Variants in NUDT4 observed in about 807,000 individuals in gnomAD.
NUDT4 encodes nudix hydrolase 4, also known as diphosphoinositol polyphosphate phosphohydrolase 2.
NUDT4 carries 5 observed loss-of-function variants against 23.1 expected under a neutral mutation model. That is an observed-to-expected ratio of 0.22 (90% CI 0.11 to 0.46). The LOEUF (loss-of-function observed/expected upper bound fraction) is 0.46. Ranked by LOEUF, NUDT4 falls within the 20% of genes least tolerant of loss-of-function variation. The pLI, the probability that NUDT4 is intolerant of heterozygous loss-of-function variation, is 0.99. For synonymous variants in NUDT4, 50 were observed against 79.0 expected, an observed-to-expected ratio of 0.63 and a Z score of 1.95; for missense variants, 96 against 211.6, an observed-to-expected ratio of 0.45 and a Z score of 3.39.
intron 1 of NUDT4, among the ~76,000 whole-genome samples, chr12:93,385,372 C>T (rs1169838505): frequency 6.6e-6 from 1 of 152,174 alleles, no homozygotes. Context: ...TGAGTAGCCT[C>T]CTTTTCGTAA....
At chr12:93,382,342 A>G (rs1875727868) in intron 1 of NUDT4, among the ~76,000 whole-genome samples, 1 of 151,890 alleles carries the variant, frequency 6.6e-6, no homozygotes, top group South Asian at 2.1e-4. Flanking sequence ...TTTAAGCTCT[A>G]TGAGCCAGGG....
intron 3 of NUDT4, among the ~76,000 whole-genome samples, chr12:93,398,164 A>AC (rs1877067826): frequency 1.3e-5 from 2 of 151,170 alleles, no homozygotes; most frequent in South Asian, 4.2e-4. Context: ...ACATGGTGAA[A>AC]CCCCGTCTGT....
chr12:93,392,881 G>A (rs1307284253), intron 1 of NUDT4, among the ~76,000 whole-genome samples: 1 of 132,620 alleles, frequency 7.5e-6, no homozygotes, highest in Non-Finnish European at 1.6e-5. Flanking sequence ...GTTTCACCAT[G>A]TTTTGTCCAG....
At chr12:93,397,521 TATTTA>T (rs1446994560) in intron 3 of NUDT4, among the ~76,000 whole-genome samples, 5 of 150,842 alleles carry the variant, frequency 3.3e-5, no homozygotes, top group South Asian at 4.2e-4. Flanking sequence ...TTGCCTGTTT[TATTTA>T]ATTTATGTTT....
Position 93,403,697 on chromosome 12 carries a change from A to G in NUDT4, c.*4318A>G, listed in dbSNP as rs189123412. 5 of 152,276 alleles carry G rather than the reference A, an allele frequency of 3.3e-5. No homozygotes were observed. Among genetic ancestry groups the G allele is most frequent in the Admixed American group, 2.0e-4 (3 of 15,294 alleles). The allele number at this position is 152,276 out of a possible 1,614,324, so 9.4% of individuals were successfully genotyped here. A position where few individuals can be genotyped will look rare whatever the true frequency, so the allele number is the denominator to read the frequency against. The stretch of plus-strand genomic sequence containing the variant: ...ATCTATAGACTTATACCATCTTCAA[A>G]AGCAATACAATTTTATTTGTAGACG... On this transcript the variant is annotated 3_prime_UTR_variant, in exon 5 of 5. Transcript: ENST00000415493.
intron 1 of NUDT4, among the ~76,000 whole-genome samples, chr12:93,386,250 G>A (rs1876088016): frequency 6.6e-6 from 1 of 151,878 alleles, no homozygotes; most frequent in Non-Finnish European, 1.5e-5. Context: ...CGGGATTACG[G>A]GTGTGAGCCA....
intron 1 of NUDT4, among the ~76,000 whole-genome samples, chr12:93,392,249 C>A (rs1197354034): frequency 2.9e-5 from 4 of 138,400 alleles, no homozygotes; most frequent in African/African-American, 1.1e-4. Context: ...TGTTTCCCCC[C>A]CCCCCTTTTT....
At chr12:93,383,956 T>C (rs1050493973) in intron 1 of NUDT4, among the ~76,000 whole-genome samples, 3 of 152,126 alleles carry the variant, frequency 2.0e-5, no homozygotes, top group Admixed American at 6.5e-5. Flanking sequence ...GGAACAGAAG[T>C]GGTATCTATA....
At chr12:93,392,493 G>A (rs1292327469) in intron 1 of NUDT4, among the ~76,000 whole-genome samples, 2 of 151,200 alleles carry the variant, frequency 1.3e-5, no homozygotes, top group African/African-American at 4.9e-5. Flanking sequence ...CTGACCTCAG[G>A]TGATCTGCCC....
chr12:93,391,385 C>T (rs542454930), intron 1 of NUDT4, among the ~76,000 whole-genome samples: 4 of 151,602 alleles, frequency 2.6e-5, no homozygotes, highest in African/African-American at 9.7e-5. Flanking sequence ...GCCAACGTGG[C>T]GAAACCCCAT....
chr12:93,398,741 T>A (rs769699257), intron 3 of NUDT4, 30 bp from the exon 4 acceptor site: 2 of 1,504,338 alleles, frequency 1.3e-6, no homozygotes, highest in Non-Finnish European at 1.8e-6. Context: ...TCCTGTAGAT[T>A]AAAATGCATT....
Position 93,394,592 on chromosome 12 carries a change from T to G in NUDT4, c.100-17T>G, listed in dbSNP as rs766412430. 9.7e-5 allele frequency: 142 copies of G among 1,470,774 alleles called. No individual in the cohort carries two copies. Among genetic ancestry groups the G allele is most frequent in the Non-Finnish European group, 1.3e-4 (141 of 1,073,644 alleles). The allele number at this position is 1,470,774 out of a possible 1,614,324, so 91.1% of individuals were successfully genotyped here. A position where few individuals can be genotyped will look rare whatever the true frequency, so the allele number is the denominator to read the frequency against. ...GCTTCTCAGGCTGGAAGTATACAGT[T>G]ATGGTTCACCTTACAGGTGCTGCTG... On this transcript the variant is annotated splice_polypyrimidine_tract_variant and intron_variant, in intron 1 of 4. Coordinates refer to ENST00000415493, the MANE Select transcript of NUDT4 (RefSeq NM_019094.6).
intron 1 of NUDT4, among the ~76,000 whole-genome samples, chr12:93,394,382 A>G (rs1876778747): frequency 1.3e-5 from 2 of 152,192 alleles, no homozygotes; most frequent in Admixed American, 1.3e-4. Flanking sequence ...AGATAAGGTG[A>G]TTTGGTAGTG....
At chr12:93,385,970 T>TATATATATATATAC (rs1243696865) in intron 1 of NUDT4, among the ~76,000 whole-genome samples, 1,505 of 118,256 alleles carry the variant, frequency 0.013, 29 homozygotes, top group Middle Eastern at 0.025. Flanking sequence ...TATATATATA[T>TATATATATATATAC]ACATAATTTT....
At chr12:93,399,004 C>A in intron 4 of NUDT4, 149 bp downstream of exon 4, 1 of 725,028 alleles carries the variant, frequency 1.4e-6, no homozygotes, top group Non-Finnish European at 2.2e-6. Flanking sequence ...TTTTTTTGGT[C>A]ACTTTTCATT....
Position 93,392,247 on chromosome 12 carries a change from C to CA in NUDT4, c.100-2362_100-2361insA, listed in dbSNP as rs1266835518. 1.6e-4 allele frequency among the ~76,000 whole-genome samples: 22 copies of CA among 136,210 alleles called. No individual in the cohort carries two copies. The East Asian group carries it at 5.5e-3, about 34-fold the overall frequency. 89.4% of individuals were successfully genotyped at this position (136,210 alleles called of 152,430 possible). A position where few individuals can be genotyped will look rare whatever the true frequency, so the allele number is the denominator to read the frequency against. ...GCCCACAAATATTCCTTTGTTTCCC[C>CA]CCCCCCCTTTTTTTTTTCCTTTTTT... On this transcript the variant is annotated intron_variant, in intron 1 of 4. Transcript: ENST00000415493.
intron 1 of NUDT4, among the ~76,000 whole-genome samples, chr12:93,383,598 A>G (rs1454174742): frequency 6.6e-6 from 1 of 152,210 alleles, no homozygotes; most frequent in Non-Finnish European, 1.5e-5. Flanking sequence ...TTGGGAGGCC[A>G]AGGTGGGTGG....
intron 3 of NUDT4, among the ~76,000 whole-genome samples, chr12:93,396,572 G>A (rs536700453): frequency 6.6e-6 from 1 of 152,062 alleles, no homozygotes; most frequent in Non-Finnish European, 1.5e-5. Flanking sequence ...TCCCGATTTT[G>A]TAGCACTTGG....
intron 1 of NUDT4, among the ~76,000 whole-genome samples, chr12:93,390,680 C>G (rs973139374): frequency 2.0e-5 from 3 of 152,166 alleles, no homozygotes; most frequent in Non-Finnish European, 2.9e-5. Flanking sequence ...TCACAGCTCA[C>G]TGTAACCTCG....
Sources: allele counts gnomAD v4.1 joint callset (sites outside exome capture counted in the v4.1 genomes callset), GRCh38; gene constraint gnomAD v4.1.1; transcripts MANE v1.5; gene names NCBI Gene and HGNC (gene_info 2026-07-23, HGNC 2026-07-21).